Variants in NAALADL2 observed in about 807,000 individuals in gnomAD.
NAALADL2 encodes the protein N-acetylated alpha-linked acidic dipeptidase like 2.
NAALADL2 carries 76 observed loss-of-function variants against 87.2 expected under a neutral mutation model. The ratio of observed to expected loss-of-function variants is 0.87; its 90% CI spans 0.72 to 1.05. NAALADL2 has a LOEUF of 1.05. NAALADL2 is among the 50% of genes least tolerant of loss of function. The pLI, the probability that NAALADL2 is intolerant of heterozygous loss-of-function variation, is 0.00. For synonymous variants in NAALADL2, 354 were observed against 331.0 expected (o/e 1.07, Z -0.75); for missense variants, 1,089 against 945.8 (o/e 1.15, Z -1.99).
At chr3:174,707,800 A>G (rs1211986271) in intron 2 of NAALADL2, among the ~76,000 whole-genome samples, 1 of 152,162 alleles carries the variant, frequency 6.6e-6, no homozygotes, top group African/African-American at 2.4e-5. Context: ...ATAATAAAAA[A>G]AAATTTTAAA....
intron 2 of NAALADL2, among the ~76,000 whole-genome samples, chr3:175,155,057 C>T (rs1223844033): frequency 2.6e-5 from 4 of 152,238 alleles, no homozygotes; most frequent in Admixed American, 1.3e-4. Context: ...TGACTACATT[C>T]GTATGACCTT....
chr3:174,497,660 TC>T (rs1718630036), intron 1 of NAALADL2, among the ~76,000 whole-genome samples: 1 of 152,206 alleles, frequency 6.6e-6, no homozygotes. Flanking sequence ...GAGCATGACT[TC>T]TTGATGGTGG....
intron 2 of NAALADL2, among the ~76,000 whole-genome samples, chr3:175,175,652 C>A (rs1005181779): frequency 1.3e-5 from 2 of 152,008 alleles, no homozygotes; most frequent in African/African-American, 4.8e-5. Context: ...AATTAAGTGG[C>A]GTAGCATAAT....
chr3:175,385,260 C>T (rs986476700), intron 5 of NAALADL2, among the ~76,000 whole-genome samples: 14 of 152,140 alleles, frequency 9.2e-5, no homozygotes, highest in African/African-American at 3.4e-4. Flanking sequence ...GAATGTCTCC[C>T]AATTTACCCC....
intron 4 of NAALADL2, among the ~76,000 whole-genome samples, chr3:175,319,838 T>C (rs1302689949): frequency 6.6e-6 from 1 of 152,040 alleles, no homozygotes; most frequent in Non-Finnish European, 1.5e-5. Context: ...AAAATAAAAA[T>C]AGCTGTTGTG....
At chr3:174,683,625 TTCTGGTGTGTG>T (rs1463558120) in intron 2 of NAALADL2, among the ~76,000 whole-genome samples, 3 of 94,566 alleles carry the variant, frequency 3.2e-5, no homozygotes, top group African/African-American at 1.3e-4. Flanking sequence ...TTAACAGAAC[TTCTGGTGTGTG>T]TGTGTGTGTG....
intron 13 of NAALADL2, among the ~76,000 whole-genome samples, chr3:175,760,686 G>A (rs927651727): frequency 2.0e-5 from 3 of 152,076 alleles, no homozygotes; most frequent in African/African-American, 7.3e-5. Flanking sequence ...TGTCATTCCA[G>A]TAGGCAGTGC....
chr3:175,100,737 C>T (rs1471577239), intron 2 of NAALADL2, among the ~76,000 whole-genome samples: 1 of 149,478 alleles, frequency 6.7e-6, no homozygotes, highest in Non-Finnish European at 1.5e-5. Flanking sequence ...GCTTGGGAGG[C>T]TGAGGCAGGG....
chr3:174,620,951 T>G (rs1189695833), intron 2 of NAALADL2, among the ~76,000 whole-genome samples: 2 of 152,104 alleles, frequency 1.3e-5, no homozygotes, highest in Non-Finnish European at 2.9e-5. Flanking sequence ...TATTTGAAGA[T>G]GGCATTTTTG....
At chr3:174,973,014 A>AT (rs71164614) in intron 1 of NAALADL2, among the ~76,000 whole-genome samples, 1 of 151,002 alleles carries the variant, frequency 6.6e-6, no homozygotes, top group Non-Finnish European at 1.5e-5. Flanking sequence ...AAAAAAAAAA[A>AT]TCCCACTTAA....
intron 2 of NAALADL2, among the ~76,000 whole-genome samples, chr3:175,100,560 A>C (rs6443280): frequency 6.6e-6 from 1 of 151,556 alleles, no homozygotes; most frequent in Non-Finnish European, 1.5e-5. Context: ...AAAGAAGGCC[A>C]GGGGCAGTGG....
At chr3:174,502,425 T>C (rs143436424) in intron 1 of NAALADL2, among the ~76,000 whole-genome samples, 115 of 152,326 alleles carry the variant, frequency 7.5e-4, no homozygotes, top group African/African-American at 2.3e-3. Context: ...CTTCTACTCT[T>C]GAAAGGCATC....
chr3:175,544,553 A>G (rs1178875108), intron 9 of NAALADL2, among the ~76,000 whole-genome samples: 2 of 152,260 alleles, frequency 1.3e-5, no homozygotes, highest in Admixed American at 6.5e-5. Context: ...AATCTTTATA[A>G]TAATTATTTG....
chr3:174,792,570 A>G (rs1298947947), intron 3 of NAALADL2, among the ~76,000 whole-genome samples: 1 of 152,138 alleles, frequency 6.6e-6, no homozygotes. Context: ...TGTTCTGCCT[A>G]GATTGATGAT....
chr3:174,911,157 G>A (rs1733647926), intron 1 of NAALADL2, among the ~76,000 whole-genome samples: 3 of 152,036 alleles, frequency 2.0e-5, no homozygotes, highest in Non-Finnish European at 4.4e-5. Context: ...TATTAGTTTT[G>A]GTGGTCTGGA....
chr3:175,324,972 A>T (rs536982150), intron 5 of NAALADL2, among the ~76,000 whole-genome samples: 2 of 152,314 alleles, frequency 1.3e-5, no homozygotes, highest in Admixed American at 6.5e-5. Context: ...TCACCGCATC[A>T]TTGAATTTCT....
chr3:175,427,626 TTTTG>T (rs1320134288), intron 5 of NAALADL2, among the ~76,000 whole-genome samples: 3 of 152,224 alleles, frequency 2.0e-5, no homozygotes, highest in African/African-American at 7.2e-5. Flanking sequence ...CTTGAAATGT[TTTTG>T]TTTCTCTCTG....
At chr3:175,436,606 G>A (rs1192753989) in intron 5 of NAALADL2, among the ~76,000 whole-genome samples, 1 of 145,494 alleles carries the variant, frequency 6.9e-6, no homozygotes, top group Non-Finnish European at 1.5e-5. Context: ...GGCCAGTGAT[G>A]ATGAGCATTT....
At chr3:175,079,125 G>C (rs1717226791) in intron 1 of NAALADL2, among the ~76,000 whole-genome samples, 1 of 152,128 alleles carries the variant, frequency 6.6e-6, no homozygotes, top group East Asian at 1.9e-4. Flanking sequence ...TACTACCTTA[G>C]TGAGTGTGAA....
Sources: allele counts gnomAD v4.1 joint callset (sites outside exome capture counted in the v4.1 genomes callset), GRCh38; gene constraint gnomAD v4.1.1; transcripts MANE v1.5; gene names NCBI Gene and HGNC (gene_info 2026-07-23, HGNC 2026-07-21).